SMARCA2: variants seen among roughly 807,000 people sequenced by gnomAD.
SMARCA2 encodes SWI/SNF-related matrix-associated actin-dependent regulator of chromatin subfamily A member 2.
In SMARCA2, 61 loss-of-function variants were observed where a neutral mutation model predicts 199.8. The ratio of observed to expected loss-of-function variants is 0.31; its 90% CI spans 0.25 to 0.38. The LOEUF is 0.38. Ranked by LOEUF, SMARCA2 falls within the 10% of genes least tolerant of loss-of-function variation. The probability of loss-of-function intolerance (pLI) is 1.00; values close to 1 mark genes in which losing one functional copy is unlikely to be tolerated. For synonymous variants in SMARCA2, 935 were observed against 732.0 expected (o/e 1.28, Z -4.48); for missense variants, 1,344 against 2,012.2 (o/e 0.67, Z 6.35).
chr9:2,151,769 C>T (rs1002932696), intron 27 of SMARCA2, among the ~76,000 whole-genome samples: 1 of 151,680 alleles, frequency 6.6e-6, no homozygotes, highest in East Asian at 1.9e-4. Context: ...AATATGTAAA[C>T]CACACTGAAA....
rs188106604 is a variant in SMARCA2, at chr9:2,155,509, C to T, written c.3982-6177C>T. Among the ~76,000 whole-genome samples, 723 of 152,220 alleles carry T rather than the reference C, an allele frequency of 4.7e-3. 8 individuals carry two copies. Among genetic ancestry groups the T allele is most frequent in the African/African-American group, 0.016 (674 of 41,548 alleles). ...TATTGGCCAGGCTGGTCTCGAACTC[C>T]TGACCTTGTGATCCACCCGCCTTGG... On this transcript the variant is annotated intron_variant, in intron 27 of 33. Transcript: ENST00000349721.
chr9:2,051,550 G>T (rs1024457619), intron 5 of SMARCA2, among the ~76,000 whole-genome samples: 2 of 152,132 alleles, frequency 1.3e-5, no homozygotes, highest in Non-Finnish European at 2.9e-5. Context: ...GTTATCTGAC[G>T]ATTACTTATT....
intron 27 of SMARCA2, among the ~76,000 whole-genome samples, chr9:2,142,211 T>G (rs1299338693): frequency 6.6e-6 from 1 of 152,186 alleles, no homozygotes; most frequent in Admixed American, 6.5e-5. Context: ...TGGACAATCT[T>G]TTTTACTTTG....
intron 27 of SMARCA2, among the ~76,000 whole-genome samples, chr9:2,141,987 C>G (rs915578108): frequency 3.3e-5 from 5 of 152,064 alleles, no homozygotes; most frequent in Non-Finnish European, 7.4e-5. Context: ...GAGACCTGCC[C>G]GTGAAGGCTG....
chr9:2,148,509 A>C (rs1824879774), intron 27 of SMARCA2, among the ~76,000 whole-genome samples: 1 of 151,202 alleles, frequency 6.6e-6, no homozygotes, highest in African/African-American at 2.4e-5. Context: ...TTATTATTAT[A>C]CTTTAAGTTT....
At chr9:2,117,720 G>T (rs1027487623) in intron 25 of SMARCA2, among the ~76,000 whole-genome samples, 1 of 152,192 alleles carries the variant, frequency 6.6e-6, no homozygotes, top group African/African-American at 2.4e-5. Flanking sequence ...CCCTGGGCCC[G>T]AGGGCTGCCA....
At chr9:2,101,066 G>C (rs1822491254) in intron 21 of SMARCA2, among the ~76,000 whole-genome samples, 1 of 152,170 alleles carries the variant, frequency 6.6e-6, no homozygotes, top group African/African-American at 2.4e-5. Context: ...TCATGATTCA[G>C]TTGTCGCCCC....
rs1192233577 is a variant in SMARCA2 at position 2,193,528 on chromosome 9, G to A, written c.*789G>A. The stretch of plus-strand genomic sequence containing the variant: ...TTGCTTTCTTTGCACAATGTCTTTG[G>A]TTGCAAGTCATAAGCCTGAGGCAAA... On this transcript the variant is annotated 3_prime_UTR_variant, in exon 34 of 34. Transcript: ENST00000349721. 1 of 152,618 alleles carries A rather than the reference G, an allele frequency of 6.6e-6. No individual in the cohort carries two copies. The highest frequency in any genetic ancestry group is 1.5e-5 in the Non-Finnish European group (1 of 68,036). The allele number at this position is 152,618 out of a possible 1,614,324, so 9.5% of individuals were successfully genotyped here.
rs1324175134 is a variant in SMARCA2, at chr9:2,039,491, A to G, written c.381A>G (p.Pro127=). The G allele has an allele frequency of 6.2e-7, 1 of 1,613,888 alleles. No individual in the cohort carries two copies. Among genetic ancestry groups the G allele is most frequent in the Non-Finnish European group, 8.5e-7 (1 of 1,179,910 alleles). ...GTTATATGTCACCACACCCATCTCCATTAGGAGCCCCAGAGCACGTCTCCA... is the reference window on the plus strand; with the variant it reads ...GTTATATGTCACCACACCCATCTCCGTTAGGAGCCCCAGAGCACGTCTCCA... ...SQGYMSPHPS[P]LGAPEHVSSP... Residue 127 remains proline, a synonymous_variant, in exon 4 of 34, where the codon CCA becomes CCG. Coordinates refer to ENST00000349721, the MANE Select transcript of SMARCA2 (RefSeq NM_003070.5). The surrounding 1 kb of genome is among the most constrained non-coding windows in gnomAD (Gnocchi z 4.8).
chr9:2,091,401 G>A (rs1406624774), intron 19 of SMARCA2, among the ~76,000 whole-genome samples: 3 of 151,906 alleles, frequency 2.0e-5, no homozygotes, highest in African/African-American at 7.3e-5. Context: ...TTTTTAATTT[G>A]GCAAAATGTG....
intron 9 of SMARCA2, among the ~76,000 whole-genome samples, chr9:2,062,554 A>C (rs535399260): frequency 7.2e-5 from 11 of 152,314 alleles, no homozygotes; most frequent in Non-Finnish European, 1.0e-4. Context: ...GTTCATCTGT[A>C]CAGAACAGGG....
chr9:2,138,567 C>G (rs967845854), intron 27 of SMARCA2, among the ~76,000 whole-genome samples: 6 of 152,160 alleles, frequency 3.9e-5, no homozygotes, highest in Non-Finnish European at 7.3e-5. Flanking sequence ...CCAAGGCTTC[C>G]CATAGTCCGT....
chr9:2,158,094 AC>A lies in SMARCA2; in HGVS notation c.3982-3589del, dbSNP rs1439524417. 5 of 309,412 alleles carry A rather than the reference AC, an allele frequency of 1.6e-5. No individual in the cohort carries two copies. In the East Asian group the frequency reaches 2.0e-4, roughly 13 times the overall value. The allele number at this position is 309,412 out of a possible 1,614,324, so 19.2% of individuals were successfully genotyped here. ...GCTAGTTTGCATCTCGTTCTTGCACACCCTGAGTCATGAAAAACATTTTCTT... is the reference window on the plus strand; with the variant it reads ...GCTAGTTTGCATCTCGTTCTTGCACACCTGAGTCATGAAAAACATTTTCTT... On this transcript the variant is annotated intron_variant, in intron 27 of 33. Transcript: ENST00000349721.
intron 9 of SMARCA2, among the ~76,000 whole-genome samples, chr9:2,066,386 T>A (rs1423516151): frequency 6.6e-6 from 1 of 152,254 alleles, no homozygotes; most frequent in African/African-American, 2.4e-5. Context: ...AGCCCTGTTG[T>A]TGATTACTTT....
chr9:2,034,237 C>A (rs900539194), intron 3 of SMARCA2, among the ~76,000 whole-genome samples: 2 of 111,608 alleles, frequency 1.8e-5, no homozygotes, highest in African/African-American at 7.7e-5. Context: ...AGCAAGACTG[C>A]GTCTCAAAAA....
chr9:2,078,229 T>C lies in SMARCA2; in HGVS notation c.2184+453T>C, dbSNP rs139263782. On this transcript the variant is annotated intron_variant, in intron 14 of 33. Transcript: ENST00000349721. ...GCTCACTCTTGTAATCCTATCACTT[T>C]GGGAGGCTGAGGTGGGTGGATCACT... Among the ~76,000 whole-genome samples the C allele has an allele frequency of 7.2e-3, 1,104 of 152,292 alleles. 14 individuals carry two copies. The highest frequency in any genetic ancestry group is 0.025 in the African/African-American group (1,047 of 41,562).
At position 2,056,565 on chromosome 9, in the gene SMARCA2, A is replaced by G. The variant is rs1173960155; in HGVS notation, c.1174-107A>G. On this transcript the variant is annotated intron_variant, in intron 6 of 33. Coordinates refer to ENST00000349721, the MANE Select transcript of SMARCA2 (RefSeq NM_003070.5). This position sits in a 1 kb window ranked among gnomAD's most constrained non-coding sequence, Gnocchi z 4.0. ...CCAAAGGTGATTGAGAAGCTTGTGG[A>G]GATTCCCCGCCCCACTCTATTCCAT... is the stretch of plus-strand genomic sequence containing the variant. The G allele has an allele frequency of 3.1e-6, 3 of 957,508 alleles. No homozygotes were observed. The African/African-American group carries it at 5.0e-5, about 16-fold the overall frequency. 59.3% of individuals were successfully genotyped at this position (957,508 alleles called of 1,614,324 possible).
chr9:2,019,496 CA>C (rs57704949), intron 1 of SMARCA2, among the ~76,000 whole-genome samples: 6,824 of 81,786 alleles, frequency 0.083, 217 homozygotes, highest in African/African-American at 0.16. Flanking sequence ...TTAGAATTGA[CA>C]AAAAAAAAAA....
intron 14 of SMARCA2, 39 bp downstream of exon 14, chr9:2,077,815 C>A: frequency 6.4e-7 from 1 of 1,560,688 alleles, no homozygotes; most frequent in South Asian, 1.2e-5. Context: ...CAAGTTGTAA[C>A]CATTTACCTA....
Sources: allele counts gnomAD v4.1 joint callset (sites outside exome capture counted in the v4.1 genomes callset), GRCh38; gene constraint gnomAD v4.1.1; non-coding constraint Gnocchi (gnomAD v3.1); transcripts MANE v1.5; gene names NCBI Gene and HGNC (gene_info 2026-07-23, HGNC 2026-07-21).